Variants in MCOLN2 observed in about 807,000 individuals in gnomAD.
MCOLN2 encodes mucolipin-2.
Under a neutral mutation model 67.5 loss-of-function variants are expected in MCOLN2, and 57 were observed. That is an observed-to-expected ratio of 0.84 (90% CI 0.68 to 1.05). MCOLN2 has a LOEUF of 1.05. Among genes scored for constraint, MCOLN2 ranks in the 50% least tolerant of loss-of-function variants. MCOLN2 has a pLI of 0.00. For synonymous variants in MCOLN2, 246 were observed against 233.3 expected (o/e 1.05, Z -0.50); for missense variants, 620 against 678.8 (o/e 0.91, Z 0.96).
chr1:84,938,039 G>C lies in MCOLN2; in HGVS notation c.1154C>G (p.Ser385Cys), dbSNP rs1220204114. The change falls in exon 10 of 14, where the codon TCT (serine) becomes TGT (cysteine). Residue 385 changes from serine to cysteine, a missense_variant. Coordinates refer to ENST00000370608, the MANE Select transcript of MCOLN2 (RefSeq NM_153259.4). The part of the protein sequence containing the change: ...YDLCSIFLGT[S>C]TLLVWVGVIR... ...GACTCCAACCCAAACCAAGAGCGTA[G>C]AGGTTCCAAGAAAAATGCTGCAGAG... The C allele has an allele frequency of 6.2e-7, 1 of 1,613,844 alleles. No homozygotes were observed. Among genetic ancestry groups the C allele is most frequent in the Non-Finnish European group, 8.5e-7 (1 of 1,179,962 alleles).
chr1:84,995,506 A>G (rs927132887), intron 1 of MCOLN2, among the ~76,000 whole-genome samples: 1 of 152,202 alleles, frequency 6.6e-6, no homozygotes, highest in African/African-American at 2.4e-5. Context: ...GGCCTTAAAG[A>G]AAACAGCCCA....
chr1:84,993,647 G>T (rs1490891810), intron 1 of MCOLN2, among the ~76,000 whole-genome samples: 1 of 140,480 alleles, frequency 7.1e-6, no homozygotes, highest in African/African-American at 2.7e-5. Context: ...TTTTTGAGAC[G>T]GAGTCTCGCT....
At chr1:84,948,959 A>G (rs1247285026) in intron 6 of MCOLN2, among the ~76,000 whole-genome samples, 1 of 152,118 alleles carries the variant, frequency 6.6e-6, no homozygotes, top group African/African-American at 2.4e-5. Flanking sequence ...GTGAAACCCC[A>G]TCTCTAATAG....
Position 84,960,879 on chromosome 1 carries a change from C to T in MCOLN2, c.238-2177G>A, listed in dbSNP as rs116115001. On this transcript the variant is annotated intron_variant, in intron 2 of 13. Transcript: ENST00000370608. ...TACTCTAAGCCAAGCTGGTATACAA[C>T]GTGGAAAAGAACACTGCATGGTACG... Among the ~76,000 whole-genome samples the T allele has an allele frequency of 5.0e-3, 664 of 132,712 alleles. 4 individuals carry two copies. Among genetic ancestry groups the T allele is most frequent in the African/African-American group, 0.019 (642 of 33,980 alleles). 87.1% of individuals were successfully genotyped at this position (132,712 alleles called of 152,430 possible).
chr1:84,987,540 ACATAGATGTATACATC>A (rs1650636152), intron 1 of MCOLN2, among the ~76,000 whole-genome samples: 1 of 31,568 alleles, frequency 3.2e-5, no homozygotes, highest in Admixed American at 4.2e-4. Flanking sequence ...ATCTATGTAT[ACATAGATGTATACATC>A]TATGTATACA....
intron 1 of MCOLN2, among the ~76,000 whole-genome samples, chr1:84,989,529 G>C (rs1034519932): frequency 1.3e-5 from 2 of 151,982 alleles, no homozygotes; most frequent in East Asian, 3.8e-4. Flanking sequence ...TTGGGAAAGA[G>C]AAAGAGTATT....
At chr1:84,963,226 T>C (rs1041760046) in intron 2 of MCOLN2, among the ~76,000 whole-genome samples, 9 of 152,140 alleles carry the variant, frequency 5.9e-5, no homozygotes, top group Non-Finnish European at 1.2e-4. Flanking sequence ...GAGGATGAAA[T>C]GAGTTGAAGT....
At chr1:84,973,333 C>T (rs746583281) in intron 1 of MCOLN2, among the ~76,000 whole-genome samples, 17 of 152,022 alleles carry the variant, frequency 1.1e-4, no homozygotes, top group Non-Finnish European at 2.1e-4. Flanking sequence ...TTAAAATCAG[C>T]CCAGTGTGGT....
Position 84,939,585 on chromosome 1 carries a change from C to A in MCOLN2, c.1078G>T (p.Gly360Cys), listed in dbSNP as rs796649593. 6.2e-7 allele frequency: 1 copy of A among 1,614,020 alleles called. No homozygotes were observed. The highest frequency in any genetic ancestry group is 8.5e-7 in the Non-Finnish European group (1 of 1,179,978). Residue 360 changes from glycine (G) to cysteine (C), a missense_variant, in exon 9 of 14, where the codon GGC becomes TGC. Physicochemically the swap from Gly to Cys is radical, Grantham distance 159 (BLOSUM62 -3). Coordinates refer to ENST00000370608, the MANE Select transcript of MCOLN2 (RefSeq NM_153259.4). Reference protein sequence around the residue: ...VIISDLMTIIGSILKMEIKAK... With the variant: ...VIISDLMTIICSILKMEIKAK... ...TTGATTTCCATTTTTAATATGGAGC[C>A]AATGATTGTCATTAGGTCGCTGATA...
chr1:84,969,997 A>G (rs371698123), intron 1 of MCOLN2, among the ~76,000 whole-genome samples: 1 of 152,192 alleles, frequency 6.6e-6, no homozygotes, highest in East Asian at 1.9e-4. Context: ...AAAAAGGTGC[A>G]TCTTAACTGT....
rs537663797 is a variant in MCOLN2, at chr1:84,961,925, A to G, written c.238-3223T>C. On this transcript the variant is annotated intron_variant, in intron 2 of 13. Transcript: ENST00000370608. ...GTAGAACTAGCAAAAGAATGTAGAC[A>G]CCTCTCTCAAGATTATAAATTACTG... 2.6e-5 allele frequency among the ~76,000 whole-genome samples: 4 copies of G among 152,278 alleles called. No individual in the cohort carries two copies. The South Asian group carries it at 8.3e-4, about 32-fold the overall frequency.
At chr1:84,980,884 G>C (rs1276934953) in intron 1 of MCOLN2, among the ~76,000 whole-genome samples, 2 of 152,148 alleles carry the variant, frequency 1.3e-5, no homozygotes, top group Non-Finnish European at 2.9e-5. Context: ...CATAGAAAGG[G>C]AGAAGATATT....
chr1:84,952,239 T>C lies in MCOLN2; in HGVS notation c.747+4A>G, dbSNP rs1173745178. ...GAAGTAGCTAGTAAAACAAAGATAC[T>C]TGCCGTATTCTGAAAGACATAACAG... On this transcript the variant is annotated splice_donor_region_variant and intron_variant, in intron 6 of 13. Coordinates refer to ENST00000370608, the MANE Select transcript of MCOLN2 (RefSeq NM_153259.4). 1 of 1,595,776 alleles carries C rather than the reference T, an allele frequency of 6.3e-7. No homozygotes were observed. The highest frequency in any genetic ancestry group is 1.7e-5 in the Admixed American group (1 of 57,790).
At chr1:84,927,887 T>C in intron 13 of MCOLN2, among the ~76,000 whole-genome samples, 1 of 152,216 alleles carries the variant, frequency 6.6e-6, no homozygotes, top group East Asian at 1.9e-4. Flanking sequence ...CCCAAAGTGC[T>C]GGGATTACAG....
At position 84,948,085 on chromosome 1, in the gene MCOLN2, G is replaced by A. The variant is rs578212174; in HGVS notation, c.748-953C>T. Among the ~76,000 whole-genome samples the A allele has an allele frequency of 7.9e-5, 12 of 152,272 alleles. No individual in the cohort carries two copies. The South Asian group carries it at 1.9e-3, about 24-fold the overall frequency. ...TGACAGCCAGTTCAGCTGTAACTTC[G>A]CATCTCTAAAGAGCCTGCCTCACAG... is the stretch of plus-strand genomic sequence containing the variant. On this transcript the variant is annotated intron_variant, in intron 6 of 13. Transcript: ENST00000370608.
chr1:84,958,729 C>A, intron 2 of MCOLN2, 27 bp from the exon 3 acceptor site: 2 of 1,509,020 alleles, frequency 1.3e-6, no homozygotes, highest in Non-Finnish European at 8.9e-7. Context: ...AATAGAAACA[C>A]ATGAATTACA....
At position 84,946,870 on chromosome 1, in the gene MCOLN2, TAAAC is replaced by T. The variant is rs547894806; in HGVS notation, c.847+159_847+162del. On this transcript the variant is annotated intron_variant, in intron 7 of 13. Transcript: ENST00000370608. ...GGCATATAATAAACATTTGCTGAAT[TAAAC>T]AAAAATACAAGGCTTTGGGATATTC... 4.4e-3 allele frequency among the ~76,000 whole-genome samples: 674 copies of T among 152,308 alleles called. 4 individuals carry two copies. Among genetic ancestry groups the T allele is most frequent in the Non-Finnish European group, 6.8e-3 (462 of 68,010 alleles).
intron 1 of MCOLN2, among the ~76,000 whole-genome samples, chr1:84,976,567 A>G (rs1003393386): frequency 6.6e-6 from 1 of 152,194 alleles, no homozygotes; most frequent in Admixed American, 6.5e-5. Context: ...GGAGTTCGAG[A>G]CCAGTCTGAC....
chr1:84,961,127 A>G (rs987393287), intron 2 of MCOLN2, among the ~76,000 whole-genome samples: 3 of 152,186 alleles, frequency 2.0e-5, no homozygotes, highest in East Asian at 3.8e-4. Context: ...TACATATGCA[A>G]TCTGAAGTCA....
Sources: allele counts gnomAD v4.1 joint callset (sites outside exome capture counted in the v4.1 genomes callset), GRCh38; gene constraint gnomAD v4.1.1; transcripts MANE v1.5; gene names NCBI Gene and HGNC (gene_info 2026-07-23, HGNC 2026-07-21).